MVB12B: variants seen among roughly 807,000 people sequenced by gnomAD.
MVB12B encodes multivesicular body subunit 12B, also known as ESCRT-I complex subunit MVB12B.
A neutral mutation model predicts 41.6 loss-of-function variants in MVB12B; 16 were observed. That is an observed-to-expected ratio of 0.38 (90% CI 0.26 to 0.58). MVB12B has a LOEUF of 0.58. Ranked by LOEUF, MVB12B falls within the 20% of genes least tolerant of loss-of-function variation. The pLI, the probability that MVB12B is intolerant of heterozygous loss-of-function variation, is 0.62. For synonymous variants in MVB12B, 133 were observed against 139.7 expected (o/e 0.95, Z 0.34); for missense variants, 274 against 380.2 (o/e 0.72, Z 2.32).
In MVB12B at chr9:126,505,004, G is replaced by A. The variant is rs997247841; in HGVS notation, c.*1741G>A. 6.6e-6 allele frequency: 1 copy of A among 152,338 alleles called. No individual in the cohort carries two copies. The highest frequency in any genetic ancestry group is 1.9e-4 in the East Asian group (1 of 5,188). 9.4% of individuals were successfully genotyped at this position (152,338 alleles called of 1,614,324 possible). On this transcript the variant is annotated 3_prime_UTR_variant, in exon 10 of 10. Coordinates refer to ENST00000361171, the MANE Select transcript of MVB12B (RefSeq NM_033446.3). ...ACCTATGTCTGCCGTGGCTCCTCGG[G>A]TGGTGCCCTGTGTGACAAAGCCCAA...
chr9:126,454,019 G>A (rs1001827843), intron 7 of MVB12B, among the ~76,000 whole-genome samples: 4 of 152,178 alleles, frequency 2.6e-5, no homozygotes, highest in Non-Finnish European at 2.9e-5. Flanking sequence ...AGAGAGCACC[G>A]GGAGACAGGA....
rs1368768967 is a variant in MVB12B at position 126,333,930 on chromosome 9, T to G, written c.82-6578T>G. On this transcript the variant is annotated intron_variant, in intron 1 of 9. Coordinates refer to ENST00000361171, the MANE Select transcript of MVB12B (RefSeq NM_033446.3). The surrounding 1 kb of genome is among the most constrained non-coding windows in gnomAD (Gnocchi z 4.7). The stretch of plus-strand genomic sequence containing the variant: ...TGATGAATACCTGCTCTCTTGTACT[T>G]AAATTTTGGACTGTAGACCAGCTGT... 6.6e-6 allele frequency among the ~76,000 whole-genome samples: 1 copy of G among 152,192 alleles called. No individual in the cohort carries two copies. The highest frequency in any genetic ancestry group is 1.5e-5 in the Non-Finnish European group (1 of 68,042).
intron 6 of MVB12B, among the ~76,000 whole-genome samples, chr9:126,402,630 A>G (rs1403426727): frequency 1.3e-5 from 2 of 151,942 alleles, no homozygotes; most frequent in African/African-American, 4.8e-5. Context: ...CCTGGGCGAC[A>G]GTGCAAGACC....
At chr9:126,371,176 C>T (rs533583225) in intron 2 of MVB12B, among the ~76,000 whole-genome samples, 2 of 152,250 alleles carry the variant, frequency 1.3e-5, no homozygotes, top group Admixed American at 6.5e-5. Context: ...CCCTGGGTGC[C>T]GACCAGCCGC....
chr9:126,432,828 C>T (rs1251444725), intron 7 of MVB12B, among the ~76,000 whole-genome samples: 1 of 152,140 alleles, frequency 6.6e-6, no homozygotes, highest in Admixed American at 6.5e-5. Context: ...CGTTTCCCTC[C>T]CCTCATCAAC....
At chr9:126,455,323 G>A (rs1460333610) in intron 7 of MVB12B, among the ~76,000 whole-genome samples, 1 of 151,346 alleles carries the variant, frequency 6.6e-6, no homozygotes, top group Admixed American at 6.6e-5. Context: ...GAGTAGATGG[G>A]ACAACAGGCA....
chr9:126,336,025 G>A (rs980308758), intron 1 of MVB12B, among the ~76,000 whole-genome samples: 1 of 152,374 alleles, frequency 6.6e-6, no homozygotes, highest in Non-Finnish European at 1.5e-5. Flanking sequence ...GCAGGAGGCC[G>A]AGATGGTGGG....
At position 126,436,717 on chromosome 9, in the gene MVB12B, G is replaced by T. The variant is rs1320742348; in HGVS notation, c.757+14769G>T. Reference sequence around the variant, plus strand: ...ATATAGTCCTTTGTCTGGCAGTCCAGTCCACTTGTGGGCACAGTGGCTGGC... The same window carrying T: ...ATATAGTCCTTTGTCTGGCAGTCCATTCCACTTGTGGGCACAGTGGCTGGC... On this transcript the variant is annotated intron_variant, in intron 7 of 9. Transcript: ENST00000361171. The surrounding 1 kb of genome is among the most constrained non-coding windows in gnomAD (Gnocchi z 4.1). 6.6e-6 allele frequency among the ~76,000 whole-genome samples: 1 copy of T among 152,196 alleles called. No homozygotes were observed. The highest frequency in any genetic ancestry group is 1.5e-5 in the Non-Finnish European group (1 of 68,034).
intron 6 of MVB12B, among the ~76,000 whole-genome samples, chr9:126,402,568 G>A (rs376130632): frequency 5.3e-5 from 8 of 152,252 alleles, no homozygotes; most frequent in South Asian, 2.1e-4. Context: ...ACTTGAGCCC[G>A]GAAATCAAGG....
intron 3 of MVB12B, among the ~76,000 whole-genome samples, chr9:126,383,181 C>A (rs376997979): frequency 4.8e-4 from 73 of 152,278 alleles, no homozygotes; most frequent in African/African-American, 1.3e-3. Context: ...GTAGTCCAAA[C>A]CAAGACTTTG....
At chr9:126,337,489 G>T (rs1390872522) in intron 1 of MVB12B, among the ~76,000 whole-genome samples, 4 of 152,144 alleles carry the variant, frequency 2.6e-5, no homozygotes, top group Admixed American at 2.0e-4. Context: ...AAAAGCTTTG[G>T]CATTTTAAAA....
chr9:126,491,368 G>A (rs2119222032), intron 9 of MVB12B, among the ~76,000 whole-genome samples: 1 of 152,236 alleles, frequency 6.6e-6, no homozygotes, highest in Middle Eastern at 3.4e-3. Context: ...TCCTATTCCC[G>A]CACAATTGTT....
At position 126,506,788 on chromosome 9, in the gene MVB12B, G is replaced by C. The variant is rs1365333724; in HGVS notation, c.*3525G>C. ...TGCTTGGGCTGCCTGGCACCCTCAG[G>C]GTGGCCCGGCCTCCTCCTGCCACTC... On this transcript the variant is annotated 3_prime_UTR_variant, in exon 10 of 10. Transcript: ENST00000361171. The C allele has an allele frequency of 6.6e-6, 1 of 152,302 alleles. No homozygotes were observed. The highest frequency in any genetic ancestry group is 2.4e-5 in the African/African-American group (1 of 41,438). The allele number at this position is 152,302 out of a possible 1,614,324, so 9.4% of individuals were successfully genotyped here. A position where few individuals can be genotyped will look rare whatever the true frequency, so the allele number is the denominator to read the frequency against.
chr9:126,471,326 A>C (rs1833311189), intron 7 of MVB12B, among the ~76,000 whole-genome samples: 1 of 152,244 alleles, frequency 6.6e-6, no homozygotes, highest in Non-Finnish European at 1.5e-5. Flanking sequence ...CATACGGCCA[A>C]CAAGCACTGG....
chr9:126,462,892 C>T lies in MVB12B; in HGVS notation c.758-18477C>T, dbSNP rs969686772. Among the ~76,000 whole-genome samples the T allele has an allele frequency of 1.1e-4, 16 of 152,312 alleles. 1 individual carries two copies. The East Asian group carries it at 2.5e-3, about 24-fold the overall frequency. ...AACCAATATTTAGAGGATACATTTT[C>T]GTGACATGCCCTTTAAAGATTAATA... On this transcript the variant is annotated intron_variant, in intron 7 of 9. Transcript: ENST00000361171.
intron 9 of MVB12B, among the ~76,000 whole-genome samples, chr9:126,497,029 A>T (rs1335082855): frequency 8.5e-5 from 13 of 152,286 alleles, no homozygotes; most frequent in Admixed American, 7.2e-4. Context: ...GATGCGGACT[A>T]GTAGAGAGGA....
chr9:126,472,071 C>T (rs566677880), intron 7 of MVB12B, among the ~76,000 whole-genome samples: 3 of 152,016 alleles, frequency 2.0e-5, no homozygotes, highest in Admixed American at 2.0e-4. Context: ...AGTATTTCCT[C>T]ACCCCTGCTG....
chr9:126,366,622 A>G (rs1228415868), intron 2 of MVB12B, among the ~76,000 whole-genome samples: 3 of 152,098 alleles, frequency 2.0e-5, no homozygotes, highest in African/African-American at 4.8e-5. Context: ...ATATTCTTCT[A>G]TAGTCCTTCT....
At chr9:126,415,762 G>A (rs1831801088) in intron 6 of MVB12B, among the ~76,000 whole-genome samples, 1 of 152,092 alleles carries the variant, frequency 6.6e-6, no homozygotes, top group Admixed American at 6.5e-5. Context: ...GGGATGTGGT[G>A]GGAAGAAAAG....
Sources: allele counts gnomAD v4.1 joint callset (sites outside exome capture counted in the v4.1 genomes callset), GRCh38; gene constraint gnomAD v4.1.1; non-coding constraint Gnocchi (gnomAD v3.1); transcripts MANE v1.5; gene names NCBI Gene and HGNC (gene_info 2026-07-23, HGNC 2026-07-21).